Variants in FSTL5 observed in about 807,000 individuals in gnomAD.
The protein encoded by FSTL5 is follistatin like 5, also known as follistatin-related protein 5.
In FSTL5, 62 loss-of-function variants were observed where a neutral mutation model predicts 89.1. The observed-to-expected ratio is 0.70, with a 90% confidence interval of 0.57 to 0.86. The LOEUF (loss-of-function observed/expected upper bound fraction) is 0.86. FSTL5 is among the 40% of genes least tolerant of loss of function. The probability of loss-of-function intolerance (pLI) is 0.00; values close to 1 mark genes in which losing one functional copy is unlikely to be tolerated. For missense variants in FSTL5, 1,057 were observed against 1,001.6 expected, an observed-to-expected ratio of 1.06 and a Z score of -0.75; for synonymous variants, 383 against 346.2, an observed-to-expected ratio of 1.11 and a Z score of -1.18.
intron 4 of FSTL5, among the ~76,000 whole-genome samples, chr4:161,879,954 A>T (rs775452684): frequency 4.6e-5 from 7 of 152,182 alleles, no homozygotes; most frequent in South Asian, 2.1e-4. Flanking sequence ...CTCTGATGTT[A>T]ATCTCTTAAA....
chr4:161,811,314 T>C (rs77206126), intron 4 of FSTL5, among the ~76,000 whole-genome samples: 3,058 of 152,252 alleles, frequency 0.02, 43 homozygotes, highest in Non-Finnish European at 0.03. Flanking sequence ...ACAAATCATA[T>C]GACTTTTCTT....
intron 1 of FSTL5, among the ~76,000 whole-genome samples, chr4:162,159,514 AAATT>A (rs1355862564): frequency 6.6e-6 from 1 of 152,072 alleles, no homozygotes; most frequent in Non-Finnish European, 1.5e-5. Flanking sequence ...AAGCCACATT[AAATT>A]AATATTAATT....
At chr4:161,946,416 C>T (rs914977806) in intron 3 of FSTL5, among the ~76,000 whole-genome samples, 2 of 152,176 alleles carry the variant, frequency 1.3e-5, no homozygotes, top group African/African-American at 4.8e-5. Context: ...TGCCATTATA[C>T]TGAAAGTCAT....
chr4:161,462,303 G>T (rs1733609383), intron 13 of FSTL5, among the ~76,000 whole-genome samples: 1 of 152,136 alleles, frequency 6.6e-6, no homozygotes. Context: ...TGGATATGTT[G>T]CTCTCTTATT....
intron 1 of FSTL5, among the ~76,000 whole-genome samples, chr4:162,146,752 T>TTCTCTCTCTCTCTCTCTC (rs373161292): frequency 1.3e-4 from 15 of 117,846 alleles, no homozygotes; most frequent in Non-Finnish European, 3.0e-4. Context: ...TCTTTCTCCT[T>TTCTCTCTCTCTCTCTCTC]TCTCTCTCTC....
chr4:161,593,137 T>C (rs1733888853), intron 7 of FSTL5, among the ~76,000 whole-genome samples: 1 of 152,146 alleles, frequency 6.6e-6, no homozygotes, highest in Non-Finnish European at 1.5e-5. Context: ...ATACAATATT[T>C]ATCAATAAAA....
intron 6 of FSTL5, among the ~76,000 whole-genome samples, chr4:161,658,296 T>C (rs1461362779): frequency 6.6e-6 from 1 of 150,896 alleles, no homozygotes; most frequent in African/African-American, 2.4e-5. Context: ...CCATCTCTAC[T>C]AAAAATAGAA....
chr4:162,131,291 T>C (rs10002570), intron 1 of FSTL5, among the ~76,000 whole-genome samples: 1 of 152,254 alleles, frequency 6.6e-6, no homozygotes, highest in Admixed American at 6.5e-5. Context: ...TTTTCACTTA[T>C]AAGCCACTAA....
chr4:161,704,812 A>T (rs955172762), intron 6 of FSTL5, among the ~76,000 whole-genome samples: 1 of 152,062 alleles, frequency 6.6e-6, no homozygotes, highest in Non-Finnish European at 1.5e-5. Flanking sequence ...TCCACTCCAC[A>T]TTATCTTTCT....
rs1021405398 is a variant in FSTL5 at position 161,929,044 on chromosome 4, T to A, written c.161-8392A>T. Among the ~76,000 whole-genome samples the A allele has an allele frequency of 1.1e-4, 17 of 151,716 alleles. No individual in the cohort carries two copies. In the Admixed American group the frequency reaches 1.1e-3, roughly 10 times the overall value. ...TGCATATTGCATTTAAATTTGTGATTCAAGCTGAATTTTTTTTGAATTACA... is the reference window on the plus strand; with the variant it reads ...TGCATATTGCATTTAAATTTGTGATACAAGCTGAATTTTTTTTGAATTACA... On this transcript the variant is annotated intron_variant, in intron 3 of 15. Transcript: ENST00000306100.
intron 6 of FSTL5, among the ~76,000 whole-genome samples, chr4:161,755,610 A>G (rs1315319710): frequency 6.6e-6 from 1 of 151,962 alleles, no homozygotes; most frequent in Non-Finnish European, 1.5e-5. Flanking sequence ...GCTTCTTTTT[A>G]TAAAGTATGT....
intron 1 of FSTL5, among the ~76,000 whole-genome samples, chr4:162,155,362 A>C (rs1020105840): frequency 6.6e-6 from 1 of 152,122 alleles, no homozygotes; most frequent in African/African-American, 2.4e-5. Context: ...AAATCCAGCC[A>C]ACTGTTAGGT....
intron 3 of FSTL5, among the ~76,000 whole-genome samples, chr4:161,969,279 C>T (rs934547050): frequency 6.6e-6 from 1 of 152,114 alleles, no homozygotes; most frequent in Non-Finnish European, 1.5e-5. Context: ...TATTTCCTTT[C>T]CCTACATCTC....
At chr4:161,820,852 TA>T (rs1049162800) in intron 4 of FSTL5, among the ~76,000 whole-genome samples, 11 of 151,636 alleles carry the variant, frequency 7.3e-5, no homozygotes, top group African/African-American at 2.7e-4. Context: ...ATCTGAGCCA[TA>T]AAAATGATTT....
At chr4:161,996,391 T>G (rs971801450) in intron 3 of FSTL5, among the ~76,000 whole-genome samples, 1 of 152,170 alleles carries the variant, frequency 6.6e-6, no homozygotes, top group African/African-American at 2.4e-5. Context: ...CTACATCTCT[T>G]CCTTTCCTCT....
intron 3 of FSTL5, among the ~76,000 whole-genome samples, chr4:161,956,275 TAA>T (rs1215403647): frequency 1.3e-5 from 2 of 151,198 alleles, no homozygotes; most frequent in East Asian, 3.9e-4. Context: ...AAAATGTAAG[TAA>T]AGAGATTGCC....
chr4:161,768,968 G>C (rs900284347), intron 5 of FSTL5, among the ~76,000 whole-genome samples: 1 of 151,694 alleles, frequency 6.6e-6, no homozygotes, highest in Non-Finnish European at 1.5e-5. Flanking sequence ...TAAAAGGAAA[G>C]AAAACCAAAA....
chr4:161,628,793 T>G (rs752323513), intron 7 of FSTL5, among the ~76,000 whole-genome samples: 4 of 152,158 alleles, frequency 2.6e-5, no homozygotes, highest in African/African-American at 9.7e-5. Context: ...TCATTTCTAA[T>G]GTCAAGATTC....
At chr4:162,038,626 A>G (rs1317399053) in intron 2 of FSTL5, among the ~76,000 whole-genome samples, 3 of 151,846 alleles carry the variant, frequency 2.0e-5, no homozygotes, top group East Asian at 1.9e-4. Context: ...ATGTGACCAC[A>G]CTAGGAGATA....
Sources: gnomAD v4.1 joint callset for allele counts (sites outside exome capture counted in the v4.1 genomes callset) on GRCh38, gnomAD v4.1.1 for gene constraint, MANE v1.5 for transcripts, NCBI Gene and HGNC (gene_info 2026-07-23, HGNC 2026-07-21) for gene names.